The following PIGX variants were observed in gnomAD, a reference collection of about 807,000 sequenced individuals.
PIGX encodes GPI alpha-1,4-mannosyltransferase I, stabilizing subunit.
Under a neutral mutation model 28.7 loss-of-function variants are expected in PIGX, and 24 were observed. The ratio of observed to expected loss-of-function variants is 0.84; its 90% CI spans 0.60 to 1.17. The LOEUF is 1.17. Ranked by LOEUF, PIGX falls within the 50% of genes most tolerant of loss-of-function variation. The pLI, the probability that PIGX is intolerant of heterozygous loss-of-function variation, is 0.00. For synonymous variants in PIGX, 127 were observed against 121.0 expected (o/e 1.05, Z -0.33); for missense variants, 305 against 317.8 (o/e 0.96, Z 0.31).
In PIGX at chr3:196,732,251, TA is replaced by T. The variant is rs1325840057; in HGVS notation, c.633+1160del. Among the ~76,000 whole-genome samples, 156 of 37,642 alleles carry T rather than the reference TA, an allele frequency of 4.1e-3. 5 individuals are homozygous for T. The highest frequency in any genetic ancestry group is 0.021 in the African/African-American group (134 of 6,376). The allele number at this position is 37,642 out of a possible 152,430, so 24.7% of individuals were successfully genotyped here. A position where few individuals can be genotyped will look rare whatever the true frequency, so the allele number is the denominator to read the frequency against. ...ATATATATATATATATATATATATA[TA>T]TATATTTTATTTTATTTTATTTTTT... On this transcript the variant is annotated intron_variant, in intron 5 of 5. Transcript: ENST00000392391.
chr3:196,733,658 C>T lies in PIGX; in HGVS notation c.634-101C>T. Reference sequence around the variant, plus strand: ...GAACTCCTGACCTCAAGCGATCTGCCCGCCTTGGCCTCCCGAAGTGCTGGG... The same window carrying T: ...GAACTCCTGACCTCAAGCGATCTGCTCGCCTTGGCCTCCCGAAGTGCTGGG... On this transcript the variant is annotated intron_variant, in intron 5 of 5. Transcript: ENST00000392391. This position sits in a 1 kb window ranked among gnomAD's most constrained non-coding sequence, Gnocchi z 4.3. 1 of 802,042 alleles carries T rather than the reference C, an allele frequency of 1.2e-6. No homozygotes were observed. Among genetic ancestry groups the T allele is most frequent in the Non-Finnish European group, 2.1e-6 (1 of 480,288 alleles). The allele number at this position is 802,042 out of a possible 1,614,324, so 49.7% of individuals were successfully genotyped here.
intron 2 of PIGX, among the ~76,000 whole-genome samples, chr3:196,720,073 C>A (rs375013578): frequency 6.6e-6 from 1 of 152,224 alleles, no homozygotes; most frequent in East Asian, 1.9e-4. Flanking sequence ...CCACCGCGCC[C>A]GGCCTAATTT....
At chr3:196,721,281 G>T in intron 2 of PIGX, 1 of 268,906 alleles carries the variant, frequency 3.7e-6, no homozygotes, top group South Asian at 3.6e-5. Context: ...CTTCAGTGTG[G>T]GTAGTTTCTG....
rs60317348 is a variant in PIGX at position 196,735,294 on chromosome 3, C to CAAAAAAA, written c.*1416_*1422dup. ...TGGGCGACAGAGTGAGACTCTGTCTCAAAAAAAAAAAAAAAAAAAAAAAAA... is the reference window on the plus strand; with the variant it reads ...TGGGCGACAGAGTGAGACTCTGTCTCAAAAAAAAAAAAAAAAAAAAAAAAAAAAAAAA... On this transcript the variant is annotated 3_prime_UTR_variant, in exon 6 of 6. Coordinates refer to ENST00000392391, the MANE Select transcript of PIGX (RefSeq NM_017861.4). 1.3e-3 allele frequency: 59 copies of CAAAAAAA among 45,224 alleles called. 1 individual carries two copies. The highest frequency in any genetic ancestry group is 1.8e-3 in the Non-Finnish European group (47 of 26,178). 2.8% of individuals were successfully genotyped at this position (45,224 alleles called of 1,614,324 possible). A position where few individuals can be genotyped will look rare whatever the true frequency, so the allele number is the denominator to read the frequency against.
intron 5 of PIGX, among the ~76,000 whole-genome samples, chr3:196,732,078 A>G (rs1476464344): frequency 6.7e-6 from 1 of 150,080 alleles, no homozygotes; most frequent in African/African-American, 2.5e-5. Context: ...CACCCCCGTC[A>G]GCCTCCCAAA....
rs1453733798 is a variant in PIGX, at chr3:196,733,841, C to A, written c.716C>A (p.Thr239Lys). The A allele has an allele frequency of 6.3e-7, 1 of 1,599,920 alleles. No homozygotes were observed. The highest frequency in any genetic ancestry group is 8.6e-7 in the Non-Finnish European group (1 of 1,166,984). Residue 239 changes from threonine to lysine, a missense_variant, in exon 6 of 6, where the codon ACA (threonine) becomes AAA (lysine). Transcript: ENST00000392391. This position sits in a 1 kb window ranked among gnomAD's most constrained non-coding sequence, Gnocchi z 4.3. ...GTATGTTCTGTGACTCTGCTCATTA[C>A]AATCCTGTGCTCTACATTGATCCTT... is the stretch of plus-strand genomic sequence containing the variant.
intron 3 of PIGX, among the ~76,000 whole-genome samples, 173 bp from the exon 4 acceptor site, chr3:196,727,750 T>C (rs1238795035): frequency 6.6e-6 from 1 of 152,098 alleles, no homozygotes; most frequent in Admixed American, 6.6e-5. Flanking sequence ...TAAGCATAAA[T>C]TGGTCTTGTG....
At chr3:196,725,285 A>G (rs1712478402) in intron 3 of PIGX, among the ~76,000 whole-genome samples, 1 of 152,208 alleles carries the variant, frequency 6.6e-6, no homozygotes, top group Non-Finnish European at 1.5e-5. Flanking sequence ...AGAACAGGTA[A>G]CAAATTTAGT....
intron 1 of PIGX, among the ~76,000 whole-genome samples, chr3:196,714,919 T>C (rs561490454): frequency 6.6e-6 from 1 of 152,074 alleles, no homozygotes; most frequent in African/African-American, 2.4e-5. Context: ...CTACTAAAAA[T>C]ACAAGAATTA....
rs780380837 is a variant in PIGX, at chr3:196,727,949, T to A, written c.345T>A (p.Asp115Glu). The A allele has an allele frequency of 2.5e-6, 4 of 1,611,284 alleles. No homozygotes were observed. The South Asian group carries it at 4.4e-5, about 18-fold the overall frequency. Residue 115 changes from aspartate (D) to glutamate (E), a missense_variant, in exon 4 of 6, where the codon GAT becomes GAA. By Grantham distance (45) the Asp-to-Glu change is conservative (BLOSUM62 2). Coordinates refer to ENST00000392391, the MANE Select transcript of PIGX (RefSeq NM_017861.4). ...CAGTGATGGTTTCAGAAAATTTTGATATAGAGGCCCCTAACTATTTGTCCA... is the reference window on the plus strand; with the variant it reads ...CAGTGATGGTTTCAGAAAATTTTGAAATAGAGGCCCCTAACTATTTGTCCA...
In PIGX at chr3:196,730,998, C is replaced by A; in HGVS notation, c.539C>A (p.Pro180Gln). 6.2e-7 allele frequency: 1 copy of A among 1,605,192 alleles called. No homozygotes were observed. The highest frequency in any genetic ancestry group is 8.5e-7 in the Non-Finnish European group (1 of 1,172,832). ...TTTCTACCACTTTTCTCAGAGTTCC[C>A]GATTTTGAAATGCTGGGCTCACTCA... is the stretch of plus-strand genomic sequence containing the variant. The change falls in exon 5 of 6, where the codon CCG becomes CAG. Residue 180 changes from proline (P) to glutamine (Q), a missense_variant. Coordinates refer to ENST00000392391, the MANE Select transcript of PIGX (RefSeq NM_017861.4).
chr3:196,714,491 G>A (rs1326389715), intron 1 of PIGX, among the ~76,000 whole-genome samples: 1 of 148,304 alleles, frequency 6.7e-6, no homozygotes, highest in Non-Finnish European at 1.5e-5. Flanking sequence ...TTGAGACGGA[G>A]TCTTGCTCTC....
Position 196,727,909 on chromosome 3 carries a change from T to C in PIGX, c.319-14T>C. On this transcript the variant is annotated splice_polypyrimidine_tract_variant and intron_variant, in intron 3 of 5. Coordinates refer to ENST00000392391, the MANE Select transcript of PIGX (RefSeq NM_017861.4). ...CATTTCTTCTTGATTAATATTTATT[T>C]TCTTTTTGAACAGGCAGTGATGGTT... 2 of 1,522,080 alleles carry C rather than the reference T, an allele frequency of 1.3e-6. No individual in the cohort carries two copies. Among genetic ancestry groups the C allele is most frequent in the Non-Finnish European group, 9.0e-7 (1 of 1,107,146 alleles). The allele number at this position is 1,522,080 out of a possible 1,614,324, so 94.3% of individuals were successfully genotyped here.
chr3:196,712,689 C>T (rs1390887976), intron 1 of PIGX, 45 bp downstream of exon 1: 9 of 1,170,712 alleles, frequency 7.7e-6, no homozygotes, highest in Admixed American at 4.6e-5. Flanking sequence ...GGAGCGGTCC[C>T]GGCTCCCGGG....
At chr3:196,731,168 T>G (rs907830023) in intron 5 of PIGX, 76 bp downstream of exon 5, 35 of 813,086 alleles carry the variant, frequency 4.3e-5, no homozygotes, top group Admixed American at 1.0e-4. Context: ...CCTGCCACAT[T>G]TAAGAGATTA....
chr3:196,713,718 T>A (rs1711946503), intron 1 of PIGX, among the ~76,000 whole-genome samples: 1 of 151,406 alleles, frequency 6.6e-6, no homozygotes, highest in African/African-American at 2.4e-5. Context: ...GCCCCTGTAG[T>A]CCCAGCTACT....
chr3:196,725,805 G>A (rs1286640014), intron 3 of PIGX, among the ~76,000 whole-genome samples: 1 of 152,166 alleles, frequency 6.6e-6, no homozygotes, highest in Non-Finnish European at 1.5e-5. Context: ...TGGAAAAACA[G>A]AGAACTTTTA....
intron 3 of PIGX, chr3:196,726,780 A>G (rs1031484779): frequency 7.2e-5 from 31 of 428,504 alleles, no homozygotes; most frequent in African/African-American, 6.0e-4. Flanking sequence ...AGGTTAGTAC[A>G]TACAGTTTCT....
At chr3:196,724,433 T>C (rs2108683044) in intron 3 of PIGX, among the ~76,000 whole-genome samples, 1 of 152,352 alleles carries the variant, frequency 6.6e-6, no homozygotes, top group Non-Finnish European at 1.5e-5. Context: ...TGGAATCATA[T>C]TTAAATCTAC....
Sources: allele counts gnomAD v4.1 joint callset (sites outside exome capture counted in the v4.1 genomes callset), GRCh38; gene constraint gnomAD v4.1.1; non-coding constraint Gnocchi (gnomAD v3.1); transcripts MANE v1.5; gene names NCBI Gene and HGNC (gene_info 2026-07-23, HGNC 2026-07-21).